ATAD2: variants seen among roughly 807,000 people sequenced by gnomAD.
The protein encoded by ATAD2 is ATPase family AAA domain containing 2.
ATAD2 carries 62 observed loss-of-function variants against 168.9 expected under a neutral mutation model. That is an observed-to-expected ratio of 0.37 (90% CI 0.30 to 0.45). The LOEUF is 0.45. Ranked by LOEUF, ATAD2 falls within the 20% of genes least tolerant of loss-of-function variation. The pLI, the probability that ATAD2 is intolerant of heterozygous loss-of-function variation, is 1.00. For missense variants in ATAD2, 1,419 were observed against 1,667.8 expected, an observed-to-expected ratio of 0.85 and a Z score of 2.60; for synonymous variants, 613 against 571.6, an observed-to-expected ratio of 1.07 and a Z score of -1.03.
intron 1 of ATAD2, among the ~76,000 whole-genome samples, chr8:123,407,190 A>G (rs768420459): frequency 6.6e-6 from 1 of 152,252 alleles, no homozygotes; most frequent in Non-Finnish European, 1.5e-5. Flanking sequence ...CCAAATCTCC[A>G]GAAAGAATCA....
intron 9 of ATAD2, among the ~76,000 whole-genome samples, chr8:123,361,188 A>C (rs966894619): frequency 2.6e-5 from 4 of 151,794 alleles, no homozygotes; most frequent in Admixed American, 6.6e-5. Context: ...GTGGTGATGC[A>C]CACCTGTAAC....
At chr8:123,409,495 A>G (rs1254829744) in intron 1 of ATAD2, among the ~76,000 whole-genome samples, 3 of 152,054 alleles carry the variant, frequency 2.0e-5, no homozygotes, top group African/African-American at 7.2e-5. Flanking sequence ...TTGTTTTGCC[A>G]ATTTGTTTTT....
At chr8:123,401,202 G>A (rs1490615241), upstream of ATAD2, 2 of 925,442 alleles carry the variant, frequency 2.2e-6, no homozygotes, top group Admixed American at 1.7e-5. Context: ...AAGTGAAGCT[G>A]CCTATCGTCA....
At chr8:123,346,337 G>A in intron 17 of ATAD2, 65 bp from the exon 18 acceptor site, 1 of 1,399,138 alleles carries the variant, frequency 7.1e-7, no homozygotes. Flanking sequence ...CCCCTAAATT[G>A]TCAACTATAA....
intron 8 of ATAD2, among the ~76,000 whole-genome samples, chr8:123,363,344 G>A (rs770013973): frequency 6.6e-5 from 10 of 152,088 alleles, no homozygotes; most frequent in Non-Finnish European, 1.3e-4. Flanking sequence ...ATTAATTAAT[G>A]TATTTGACCA....
At chr8:123,364,952 A>G (rs1828928392) in intron 8 of ATAD2, among the ~76,000 whole-genome samples, 1 of 152,148 alleles carries the variant, frequency 6.6e-6, no homozygotes, top group Non-Finnish European at 1.5e-5. Flanking sequence ...AAAAAAATAA[A>G]AGGGTATCCA....
At position 123,348,269 on chromosome 8, in the gene ATAD2, C is replaced by T. The variant is rs756289684; in HGVS notation, c.1811G>A (p.Arg604Gln). ...GGTGTGAATCTTTAGAATCTCTTTT[C>T]GAGCCTATGAATAAAAACAATTTAA... is the stretch of plus-strand genomic sequence containing the variant. ...FLFSLPDKEARKEILKIHTRD... is the reference protein window; with the variant it reads ...FLFSLPDKEAQKEILKIHTRD... The change falls in exon 15 of 28, where the codon CGA becomes CAA. Residue 604 changes from arginine to glutamine, a missense_variant. Physicochemically the swap from Arg to Gln is conservative, Grantham distance 43. Coordinates refer to ENST00000287394, the MANE Select transcript of ATAD2 (RefSeq NM_014109.4). 1 of 1,583,362 alleles carries T rather than the reference C, an allele frequency of 6.3e-7. No homozygotes were observed. Among genetic ancestry groups the T allele is most frequent in the Non-Finnish European group, 8.6e-7 (1 of 1,165,990 alleles).
chr8:123,338,152 C>A (rs1047004186), intron 20 of ATAD2, among the ~76,000 whole-genome samples: 3 of 152,020 alleles, frequency 2.0e-5, no homozygotes, highest in East Asian at 3.9e-4. Flanking sequence ...GTCAGGAGAT[C>A]GAGACCACCC....
chr8:123,389,984 A>ATATATATATT (rs1232318597), intron 1 of ATAD2, among the ~76,000 whole-genome samples: 23 of 115,130 alleles, frequency 2.0e-4, no homozygotes, highest in African/African-American at 3.0e-4. Context: ...ATATATATAT[A>ATATATATATT]TTTTTTTTTT....
intron 7 of ATAD2, 23 bp from the exon 8 acceptor site, chr8:123,369,198 T>G: frequency 3.6e-6 from 3 of 826,536 alleles, no homozygotes; most frequent in Non-Finnish European, 4.9e-6. Flanking sequence ...AATATATATA[T>G]ATATTTGTAT....
intron 13 of ATAD2, 82 bp from the exon 14 acceptor site, chr8:123,349,526 A>G (rs1308533229): frequency 4.5e-6 from 6 of 1,333,442 alleles, no homozygotes; most frequent in Non-Finnish European, 6.2e-6. Context: ...CTTTTGTAAG[A>G]TTTAACGCAT....
intron 13 of ATAD2, among the ~76,000 whole-genome samples, chr8:123,353,746 G>A (rs1302757865): frequency 6.6e-6 from 1 of 152,038 alleles, no homozygotes; most frequent in Non-Finnish European, 1.5e-5. Context: ...AAAGTGTCCA[G>A]AGTTAGGATT....
intron 13 of ATAD2, chr8:123,352,480 T>C (rs538928142): frequency 6.6e-6 from 1 of 152,342 alleles, no homozygotes; most frequent in Non-Finnish European, 1.5e-5. Context: ...ATGAAGGTTA[T>C]AGGAGAAACA....
upstream of ATAD2, chr8:123,401,208 C>G: frequency 1.1e-6 from 1 of 914,042 alleles, no homozygotes; most frequent in Non-Finnish European, 1.8e-6. Context: ...AGCTGCCTAT[C>G]GTCAATGACG....
At chr8:123,334,862 T>C (rs1827872201) in intron 22 of ATAD2, among the ~76,000 whole-genome samples, 1 of 152,174 alleles carries the variant, frequency 6.6e-6, no homozygotes, top group Non-Finnish European at 1.5e-5. Flanking sequence ...TTGAGCCACA[T>C]CAATACTCCT....
At chr8:123,331,023 A>AC (rs1827761272) in intron 24 of ATAD2, among the ~76,000 whole-genome samples, 1 of 152,056 alleles carries the variant, frequency 6.6e-6, no homozygotes, top group Non-Finnish European at 1.5e-5. Context: ...CACTGGGTTC[A>AC]AGCAATTCTC....
In ATAD2 at chr8:123,336,528, G is replaced by A; in HGVS notation, c.3056C>T (p.Pro1019Leu). 1.3e-6 allele frequency: 2 copies of A among 1,497,580 alleles called. No individual in the cohort carries two copies. Among genetic ancestry groups the A allele is most frequent in the East Asian group, 2.5e-5 (1 of 40,422 alleles). 92.8% of individuals were successfully genotyped at this position (1,497,580 alleles called of 1,614,324 possible). A position where few individuals can be genotyped will look rare whatever the true frequency, so the allele number is the denominator to read the frequency against. Residue 1019 changes from proline to leucine, a missense_variant, in exon 22 of 28, where the codon CCT (proline) becomes CTT (leucine). By Grantham distance (98) the Pro-to-Leu change is moderately conservative. Coordinates refer to ENST00000287394, the MANE Select transcript of ATAD2 (RefSeq NM_014109.4). ...TTGCTTTATTACAGTGACATAATCA[G>A]GAACCTAAAATTCAAGCAAATGATC... The part of the protein sequence containing the change: ...FTKPVDPDEV[P>L]DYVTVIKQPM...
chr8:123,391,485 GAAAAAAAAAAAA>G (rs10563871), intron 1 of ATAD2, among the ~76,000 whole-genome samples: 2 of 33,858 alleles, frequency 5.9e-5, no homozygotes, highest in South Asian at 2.0e-3. Context: ...GAGAAGTTTT[GAAAAAAAAAAAA>G]AAAAAAAAAA....
At position 123,396,241 on chromosome 8, in the gene ATAD2, G is replaced by A. The variant is rs1812821633; in HGVS notation, c.117C>T (p.Leu39=). 1 of 1,606,488 alleles carries A rather than the reference G, an allele frequency of 6.2e-7. No homozygotes were observed. Among genetic ancestry groups the A allele is most frequent in the Non-Finnish European group, 8.5e-7 (1 of 1,178,516 alleles). The change falls in exon 1 of 28, where the codon CTC becomes CTT. Residue 39 remains leucine (L), a synonymous_variant. Transcript: ENST00000287394. ...LSLEHIGRRR[L]RSAGAAQKKP... ...TCTTCTGCGCCGCGCCGGCCGAGCG[G>A]AGCCGCCTCCGGCCGATGTGCTCCA...
Sources: gnomAD v4.1 joint callset for allele counts (sites outside exome capture counted in the v4.1 genomes callset) on GRCh38, gnomAD v4.1.1 for gene constraint, MANE v1.5 for transcripts, NCBI Gene and HGNC (gene_info 2026-07-23, HGNC 2026-07-21) for gene names.